GRIA2: variants seen among roughly 807,000 people sequenced by gnomAD.
GRIA2 encodes glutamate receptor 2.
Under a neutral mutation model 97.3 loss-of-function variants are expected in GRIA2, and 14 were observed. The ratio of observed to expected loss-of-function variants is 0.14; its 90% CI spans 0.10 to 0.23. GRIA2 has a LOEUF of 0.23. GRIA2 is among the 10% of genes least tolerant of loss of function. The pLI is 1.00. For synonymous variants in GRIA2, 412 were observed against 387.8 expected, an observed-to-expected ratio of 1.06 and a Z score of -0.73; for missense variants, 558 against 1,069.8, an observed-to-expected ratio of 0.52 and a Z score of 6.67.
chr4:157,322,857 T>C (rs992341651), intron 6 of GRIA2, among the ~76,000 whole-genome samples: 3 of 152,220 alleles, frequency 2.0e-5, no homozygotes, highest in Non-Finnish European at 4.4e-5. Flanking sequence ...GGTGCATGAC[T>C]GTCTATGAGA....
intron 2 of GRIA2, among the ~76,000 whole-genome samples, chr4:157,263,819 G>A (rs935234128): frequency 1.7e-4 from 26 of 152,060 alleles, no homozygotes; most frequent in African/African-American, 6.3e-4. Flanking sequence ...TCTTCCCCAA[G>A]GGAGAGTCAA....
At chr4:157,277,511 A>G (rs922298914) in intron 2 of GRIA2, among the ~76,000 whole-genome samples, 1 of 151,940 alleles carries the variant, frequency 6.6e-6, no homozygotes, top group Admixed American at 6.6e-5. Flanking sequence ...TTTCAACATA[A>G]TAGTGGAATT....
chr4:157,346,867 C>T (rs1735786456), intron 12 of GRIA2, among the ~76,000 whole-genome samples: 2 of 152,124 alleles, frequency 1.3e-5, no homozygotes, highest in Non-Finnish European at 2.9e-5. Flanking sequence ...ATCATTTCCT[C>T]TCTGGTTGGC....
chr4:157,271,949 T>C (rs1344348328), intron 2 of GRIA2, among the ~76,000 whole-genome samples: 3 of 152,128 alleles, frequency 2.0e-5, no homozygotes, highest in African/African-American at 7.2e-5. Context: ...AGAATGCCTT[T>C]TAGAACTGGA....
chr4:157,333,736 T>C (rs1292589257), intron 8 of GRIA2, among the ~76,000 whole-genome samples: 1 of 152,028 alleles, frequency 6.6e-6, no homozygotes, highest in Non-Finnish European at 1.5e-5. Flanking sequence ...TGTCATTATT[T>C]GGATTTTAAT....
intron 2 of GRIA2, among the ~76,000 whole-genome samples, chr4:157,258,704 C>T (rs1025478634): frequency 1.3e-5 from 2 of 152,022 alleles, no homozygotes; most frequent in African/African-American, 4.8e-5. Context: ...GCTGGTTTTG[C>T]GGCTTCTGGG....
chr4:157,314,415 T>A (rs2126889549), intron 4 of GRIA2, among the ~76,000 whole-genome samples: 1 of 152,286 alleles, frequency 6.6e-6, no homozygotes, highest in East Asian at 1.9e-4. Flanking sequence ...GCAAAAGAAC[T>A]AAATGTTGAA....
chr4:157,299,231 T>C (rs1733503472), intron 2 of GRIA2, among the ~76,000 whole-genome samples: 1 of 152,084 alleles, frequency 6.6e-6, no homozygotes, highest in Non-Finnish European at 1.5e-5. Context: ...CAGGAGATCC[T>C]TACTAACAGA....
At chr4:157,360,235 G>A (rs1736575230) in intron 13 of GRIA2, 92 bp downstream of exon 13, 16 of 1,287,526 alleles carry the variant, frequency 1.2e-5, no homozygotes, top group African/African-American at 3.0e-5. Context: ...GTTTGTATAC[G>A]GATATGAGGT....
intron 2 of GRIA2, among the ~76,000 whole-genome samples, chr4:157,230,533 T>C (rs1729956706): frequency 6.8e-6 from 1 of 147,786 alleles, no homozygotes; most frequent in African/African-American, 2.5e-5. Flanking sequence ...CTTTCTTCCT[T>C]CCTTCTTTCC....
chr4:157,322,880 A>T (rs1734638836), intron 6 of GRIA2, among the ~76,000 whole-genome samples: 1 of 152,170 alleles, frequency 6.6e-6, no homozygotes, highest in Non-Finnish European at 1.5e-5. Flanking sequence ...GGTCCTAGAA[A>T]AGGATTAGAA....
intron 2 of GRIA2, among the ~76,000 whole-genome samples, chr4:157,240,327 C>T (rs897666730): frequency 1.1e-4 from 17 of 152,018 alleles, no homozygotes; most frequent in African/African-American, 3.4e-4. Flanking sequence ...TTAAATTTTT[C>T]TTCAATATCA....
In GRIA2 at chr4:157,260,637, C is replaced by T. The variant is rs138094202; in HGVS notation, c.229+38830C>T. Among the ~76,000 whole-genome samples, 13 of 152,124 alleles carry T rather than the reference C, an allele frequency of 8.5e-5. 1 individual carries two copies. The highest frequency in any genetic ancestry group is 8.3e-4 in the South Asian group (4 of 4,824). Reference sequence around the variant, plus strand: ...CCTGGCCACATCTAGATGCATAAAACGCTAGAATATGTCATCTTTACAAAA... The same window carrying T: ...CCTGGCCACATCTAGATGCATAAAATGCTAGAATATGTCATCTTTACAAAA... On this transcript the variant is annotated intron_variant, in intron 2 of 15. Transcript: ENST00000264426.
chr4:157,304,143 G>A (rs1189487017), intron 3 of GRIA2, among the ~76,000 whole-genome samples: 1 of 152,194 alleles, frequency 6.6e-6, no homozygotes, highest in Non-Finnish European at 1.5e-5. Context: ...GTACATTTAA[G>A]TGAAACAGAC....
rs1729861558 is a variant in GRIA2, at chr4:157,228,758, A to C, written c.229+6951A>C. ...CAGTGAGCCGAGATAGCACCACTGC[A>C]CTCCAGCCTTGGAGATGGCAAGATT... On this transcript the variant is annotated intron_variant, in intron 2 of 15. Transcript: ENST00000264426. 2.3e-5 allele frequency among the ~76,000 whole-genome samples: 3 copies of C among 128,272 alleles called. No homozygotes were observed. In the South Asian group the frequency reaches 7.5e-4, roughly 32 times the overall value. The allele number at this position is 128,272 out of a possible 152,430, so 84.2% of individuals were successfully genotyped here. A position where few individuals can be genotyped will look rare whatever the true frequency, so the allele number is the denominator to read the frequency against.
rs191931639 is a variant in GRIA2, at chr4:157,276,459, C to G, written c.230-27093C>G. On this transcript the variant is annotated intron_variant, in intron 2 of 15. Transcript: ENST00000264426. ...AAAGTAAAATCAATACTCCAAATTT[C>G]TACTTTAGGAAACTGGATAATGAAG... is the stretch of plus-strand genomic sequence containing the variant. Among the ~76,000 whole-genome samples the G allele has an allele frequency of 6.0e-4, 91 of 151,908 alleles. No individual in the cohort carries two copies. In the East Asian group the frequency reaches 0.011, roughly 18 times the overall value.
At chr4:157,311,853 G>T (rs2126884121) in intron 3 of GRIA2, among the ~76,000 whole-genome samples, 1 of 152,002 alleles carries the variant, frequency 6.6e-6, no homozygotes, top group South Asian at 2.1e-4. Context: ...CTAAACTGAG[G>T]ATATAACTTT....
At chr4:157,240,979 G>T (rs964514653) in intron 2 of GRIA2, among the ~76,000 whole-genome samples, 1 of 149,376 alleles carries the variant, frequency 6.7e-6, no homozygotes, top group South Asian at 2.1e-4. Flanking sequence ...TTGTTCTTGC[G>T]ATAGTTTACT....
chr4:157,251,072 G>A (rs1014619971), intron 2 of GRIA2, among the ~76,000 whole-genome samples: 1 of 152,098 alleles, frequency 6.6e-6, no homozygotes, highest in African/African-American at 2.4e-5. Flanking sequence ...GCTTGGATTT[G>A]ATGCATTATG....
Sources: gnomAD v4.1 joint callset for allele counts (sites outside exome capture counted in the v4.1 genomes callset) on GRCh38, gnomAD v4.1.1 for gene constraint, MANE v1.5 for transcripts, NCBI Gene and HGNC (gene_info 2026-07-23, HGNC 2026-07-21) for gene names.